Variants in MOB3B observed in about 807,000 individuals in gnomAD.
MOB3B encodes the protein MOB kinase activator 3B, also known as MOB kinase activator-like 2B.
In MOB3B, 7 loss-of-function variants were observed where a neutral mutation model predicts 18.7. The observed-to-expected ratio is 0.37, with a 90% CI of 0.21 to 0.70. The LOEUF (loss-of-function observed/expected upper bound fraction) is 0.70. Among genes scored for constraint, MOB3B ranks in the 30% least tolerant of loss-of-function variants. The pLI is 0.52. For synonymous variants in MOB3B, 111 were observed against 99.9 expected, an observed-to-expected ratio of 1.11 and a Z score of -0.66; for missense variants, 253 against 281.3, an observed-to-expected ratio of 0.90 and a Z score of 0.72.
chr9:27,493,775 T>C (rs893580532), intron 1 of MOB3B, among the ~76,000 whole-genome samples: 2 of 152,152 alleles, frequency 1.3e-5, no homozygotes, highest in East Asian at 1.9e-4. Flanking sequence ...CCTGTAATAA[T>C]TGCATTAATT....
chr9:27,365,152 T>C (rs1342661793), intron 2 of MOB3B, among the ~76,000 whole-genome samples: 8 of 59,260 alleles, frequency 1.3e-4, no homozygotes. Flanking sequence ...CATCTCCTGT[T>C]TGGGGGAGGC....
intron 2 of MOB3B, among the ~76,000 whole-genome samples, chr9:27,440,128 T>C (rs1036963031): frequency 6.6e-6 from 1 of 152,212 alleles, no homozygotes; most frequent in Non-Finnish European, 1.5e-5. Flanking sequence ...GTAAAACACA[T>C]TTCATGTAGC....
At chr9:27,461,010 T>C (rs535654783) in intron 1 of MOB3B, among the ~76,000 whole-genome samples, 4 of 152,332 alleles carry the variant, frequency 2.6e-5, no homozygotes, top group Admixed American at 6.5e-5. Flanking sequence ...GTAACAAGTC[T>C]GCCTCCTGAA....
intron 2 of MOB3B, among the ~76,000 whole-genome samples, chr9:27,415,332 A>G (rs1041189534): frequency 1.3e-5 from 2 of 152,126 alleles, no homozygotes; most frequent in African/African-American, 4.8e-5. Context: ...ATTAATGTCA[A>G]TTTCCTGCCT....
rs1370817409 is a variant in MOB3B, at chr9:27,437,189, C to T, written c.418+17944G>A. 2.0e-5 allele frequency among the ~76,000 whole-genome samples: 3 copies of T among 152,204 alleles called. No individual in the cohort carries two copies. In the East Asian group the frequency reaches 5.8e-4, roughly 29 times the overall value. Reference sequence around the variant, plus strand: ...TTCTGGTTGTAGTGGGAAGATACTGCACTTTAGAAAGTAGATAGTTAATAT... The same window carrying T: ...TTCTGGTTGTAGTGGGAAGATACTGTACTTTAGAAAGTAGATAGTTAATAT... On this transcript the variant is annotated intron_variant, in intron 2 of 3. Transcript: ENST00000262244.
chr9:27,359,301 T>C, intron 2 of MOB3B, 65 bp from the exon 3 acceptor site: 4 of 1,368,232 alleles, frequency 2.9e-6, no homozygotes, highest in Non-Finnish European at 4.0e-6. Flanking sequence ...CTCTTTCCTC[T>C]AATATGAAAA....
At chr9:27,478,810 GACAC>G (rs34976107) in intron 1 of MOB3B, among the ~76,000 whole-genome samples, 25,216 of 141,172 alleles carry the variant, frequency 0.18, 2,379 homozygotes, top group South Asian at 0.28. Context: ...GGATTAAAAA[GACAC>G]ACACACACAC....
At chr9:27,460,819 C>T (rs1819275575) in intron 1 of MOB3B, among the ~76,000 whole-genome samples, 1 of 152,188 alleles carries the variant, frequency 6.6e-6, no homozygotes, top group Non-Finnish European at 1.5e-5. Context: ...AGGCACAGAG[C>T]TGACTTAACT....
At chr9:27,458,046 G>C (rs1327642335) in intron 1 of MOB3B, among the ~76,000 whole-genome samples, 2 of 152,202 alleles carry the variant, frequency 1.3e-5, no homozygotes, top group Non-Finnish European at 2.9e-5. Flanking sequence ...TAAAAAAACA[G>C]ACAATAGTCC....
At chr9:27,413,251 C>G (rs1387973780) in intron 2 of MOB3B, among the ~76,000 whole-genome samples, 1 of 152,014 alleles carries the variant, frequency 6.6e-6, no homozygotes, top group Non-Finnish European at 1.5e-5. Flanking sequence ...GGCAAAGGGA[C>G]AGGGAGGAGT....
intron 1 of MOB3B, among the ~76,000 whole-genome samples, chr9:27,462,897 A>G (rs148393219): frequency 3.3e-5 from 5 of 152,348 alleles, no homozygotes; most frequent in Non-Finnish European, 5.9e-5. Context: ...TCGAAAATAC[A>G]GTTTGAATTT....
chr9:27,404,280 G>T (rs1259543214), intron 2 of MOB3B, among the ~76,000 whole-genome samples: 1 of 149,476 alleles, frequency 6.7e-6, no homozygotes, highest in Non-Finnish European at 1.5e-5. Flanking sequence ...TCTTTTATAT[G>T]GCTGAATAAT....
chr9:27,413,916 T>C (rs1363428586), intron 2 of MOB3B, among the ~76,000 whole-genome samples: 1 of 152,194 alleles, frequency 6.6e-6, no homozygotes, highest in Non-Finnish European at 1.5e-5. Context: ...TTAAAAATAG[T>C]CTTCCAAAGA....
intron 3 of MOB3B, among the ~76,000 whole-genome samples, chr9:27,335,435 G>T (rs1820849527): frequency 6.6e-6 from 1 of 152,208 alleles, no homozygotes; most frequent in Non-Finnish European, 1.5e-5. Context: ...TTCGAAAGAG[G>T]CAATTTGTGT....
chr9:27,441,247 TA>T (rs1822591114), intron 2 of MOB3B, among the ~76,000 whole-genome samples: 1 of 148,844 alleles, frequency 6.7e-6, no homozygotes, highest in East Asian at 2.0e-4. Context: ...AAAATTAGCA[TA>T]AATTTCTTTT....
Position 27,326,708 on chromosome 9 carries a change from A to G in MOB3B, c.*3879T>C, listed in dbSNP as rs1377052010. 2.5e-6 allele frequency: 1 copy of G among 397,456 alleles called. No individual in the cohort carries two copies. Among genetic ancestry groups the G allele is most frequent in the East Asian group, 3.6e-5 (1 of 28,032 alleles). The allele number at this position is 397,456 out of a possible 1,614,324, so 24.6% of individuals were successfully genotyped here. On this transcript the variant is annotated 3_prime_UTR_variant, in exon 4 of 4. Transcript: ENST00000262244. ...TCTGGGTCTTTGGAAATGAGAAAATACCCAGGGAAGAGAAAACGAACAATT... is the reference window on the plus strand; with the variant it reads ...TCTGGGTCTTTGGAAATGAGAAAATGCCCAGGGAAGAGAAAACGAACAATT...
At chr9:27,423,529 C>T (rs1236235296) in intron 2 of MOB3B, among the ~76,000 whole-genome samples, 1 of 151,456 alleles carries the variant, frequency 6.6e-6, no homozygotes, top group African/African-American at 2.4e-5. Flanking sequence ...AGGTATGGAG[C>T]ATTTAGTGTG....
intron 2 of MOB3B, among the ~76,000 whole-genome samples, chr9:27,370,875 C>T (rs1821406643): frequency 6.6e-6 from 1 of 152,122 alleles, no homozygotes; most frequent in African/African-American, 2.4e-5. Context: ...ATCTGAAAAC[C>T]ACTGCTTGGT....
chr9:27,435,895 C>G (rs1194507898), intron 2 of MOB3B, among the ~76,000 whole-genome samples: 1 of 152,218 alleles, frequency 6.6e-6, no homozygotes, highest in East Asian at 1.9e-4. Flanking sequence ...GCCACCATAC[C>G]CAGCCAAGAC....
Sources: gnomAD v4.1 joint callset for allele counts (sites outside exome capture counted in the v4.1 genomes callset) on GRCh38, gnomAD v4.1.1 for gene constraint, MANE v1.5 for transcripts, NCBI Gene and HGNC (gene_info 2026-07-23, HGNC 2026-07-21) for gene names.